The following EZH2 variants were observed in gnomAD, a reference collection of about 807,000 sequenced individuals.
EZH2 encodes the protein histone-lysine N-methyltransferase EZH2.
In EZH2, 18 loss-of-function variants were observed where a neutral mutation model predicts 98.4. The ratio of observed to expected loss-of-function variants is 0.18; its 90% CI spans 0.13 to 0.27. The LOEUF (loss-of-function observed/expected upper bound fraction) is 0.27, where lower values mean the gene tolerates loss of function less well. EZH2 is among the 10% of genes least tolerant of loss of function. The probability of loss-of-function intolerance (pLI) is 1.00; values close to 1 mark genes in which losing one functional copy is unlikely to be tolerated. For missense variants in EZH2, 470 were observed against 935.1 expected (o/e 0.50, Z 6.49); for synonymous variants, 338 against 312.3 (o/e 1.08, Z -0.87).
chr7:148,836,725 T>TG (rs777775240), intron 3 of EZH2: 12 of 391,500 alleles, frequency 3.1e-5, no homozygotes, highest in Non-Finnish European at 4.0e-5. Context: ...AAAAAGGGGA[T>TG]GGGGGGGACT....
In EZH2 at chr7:148,826,454, A is replaced by G; in HGVS notation, c.907T>C (p.Ser303Pro). 6.4e-7 allele frequency: 1 copy of G among 1,564,154 alleles called. No individual in the cohort carries two copies. Among genetic ancestry groups the G allele is most frequent in the Non-Finnish European group, 8.7e-7 (1 of 1,151,874 alleles). ...ACAAAGATAGAAAATGAAAACGTAC[A>G]ATAATTGCACTTACGATGTAGGAAG... ...DCFLHRKCNY[S>P]FHATPNTYKR... Residue 303 changes from serine (S) to proline (P), a missense_variant and splice_region_variant, in exon 8 of 20, where the codon TCT becomes CCT. Around this residue, in one of 6 missense-constraint regions of EZH2, gnomAD observed 192 missense variants for 306.8 expected, o/e 0.63. Transcript: ENST00000320356.
chr7:148,809,099 T>C lies in EZH2; in HGVS notation c.2167A>G (p.Thr723Ala). ...IGIFAKRAIQTGEELFFDYRY... is the reference protein window; with the variant it reads ...IGIFAKRAIQAGEELFFDYRY... The stretch of plus-strand genomic sequence containing the variant: ...TAATCAAAAAACAGCTCTTCGCCAG[T>C]CTGGATGGCTCTCTTGGCAAAAATA... The change falls in exon 19 of 20, where the codon ACT becomes GCT. Residue 723 changes from threonine to alanine, a missense_variant. Around this residue, in one of 6 missense-constraint regions of EZH2, gnomAD observed 106 missense variants for 327.2 expected, o/e 0.32. Coordinates refer to ENST00000320356, the MANE Select transcript of EZH2 (RefSeq NM_004456.5). 1 of 1,614,232 alleles carries C rather than the reference T, an allele frequency of 6.2e-7. No homozygotes were observed. Among genetic ancestry groups the C allele is most frequent in the Non-Finnish European group, 8.5e-7 (1 of 1,180,034 alleles).
intron 1 of EZH2, among the ~76,000 whole-genome samples, chr7:148,860,243 C>T (rs1021386149): frequency 6.7e-6 from 1 of 150,116 alleles, no homozygotes; most frequent in African/African-American, 2.5e-5. Context: ...GTTTGAAAAA[C>T]ACCACATGAG....
intron 1 of EZH2, among the ~76,000 whole-genome samples, chr7:148,866,693 T>C (rs963936299): frequency 1.7e-4 from 25 of 144,034 alleles, no homozygotes; most frequent in African/African-American, 6.2e-4. Flanking sequence ...TGCATATATA[T>C]ATACATATAT....
chr7:148,829,704 CAAGAG>C lies in EZH2; in HGVS notation c.484+19_484+23del. 1.9e-6 allele frequency: 3 copies of C among 1,597,422 alleles called. No homozygotes were observed. The South Asian group carries it at 3.5e-5, about 18-fold the overall frequency. On this transcript the variant is annotated intron_variant, in intron 5 of 19. Transcript: ENST00000320356. ...CTCTCAATTCTTTAGCCCCTTTTTC[CAAGAG>C]AAGAAGCATATGGCTCACCTCTATC...
chr7:148,840,806 G>A (rs989417956), intron 3 of EZH2, among the ~76,000 whole-genome samples: 4 of 152,120 alleles, frequency 2.6e-5, no homozygotes, highest in Non-Finnish European at 5.9e-5. Flanking sequence ...TATGGCAAAA[G>A]TCCTCGGTCT....
At chr7:148,882,341 A>T (rs998861597) in intron 1 of EZH2, among the ~76,000 whole-genome samples, 1 of 152,242 alleles carries the variant, frequency 6.6e-6, no homozygotes, top group Non-Finnish European at 1.5e-5. Flanking sequence ...CTTGGAATAT[A>T]TTCACTTTCC....
At chr7:148,835,085 G>A (rs1810521765) in intron 3 of EZH2, among the ~76,000 whole-genome samples, 1 of 152,158 alleles carries the variant, frequency 6.6e-6, no homozygotes, top group African/African-American at 2.4e-5. Context: ...AATGCTCATG[G>A]GGTAAAATAA....
In EZH2 at chr7:148,834,337, TTA is replaced by T. The variant is rs746918834; in HGVS notation, c.247-1589_247-1588del. ...GTAGTAAAATGAAACTGAAAAATCA[TTA>T]TATATATATATATACACACACACAC... On this transcript the variant is annotated intron_variant, in intron 3 of 19. Coordinates refer to ENST00000320356, the MANE Select transcript of EZH2 (RefSeq NM_004456.5). Among the ~76,000 whole-genome samples, 1,261 of 142,796 alleles carry T rather than the reference TTA, an allele frequency of 8.8e-3. 4 individuals carry two copies. Among genetic ancestry groups the T allele is most frequent in the Non-Finnish European group, 0.012 (823 of 66,806 alleles). The allele number at this position is 142,796 out of a possible 152,430, so 93.7% of individuals were successfully genotyped here. A position where few individuals can be genotyped will look rare whatever the true frequency, so the allele number is the denominator to read the frequency against.
chr7:148,868,705 T>A (rs1176362176), intron 1 of EZH2, among the ~76,000 whole-genome samples: 2 of 151,460 alleles, frequency 1.3e-5, no homozygotes, highest in Non-Finnish European at 2.9e-5. Flanking sequence ...AAAACATGAC[T>A]TTTTTTTTGG....
At chr7:148,851,372 A>G (rs1299498584) in intron 1 of EZH2, among the ~76,000 whole-genome samples, 1 of 152,130 alleles carries the variant, frequency 6.6e-6, no homozygotes, top group African/African-American at 2.4e-5. Context: ...CCTTATCCAT[A>G]AAACCTACCT....
intron 1 of EZH2, among the ~76,000 whole-genome samples, chr7:148,853,228 A>G (rs939252601): frequency 6.6e-6 from 1 of 152,182 alleles, no homozygotes; most frequent in Non-Finnish European, 1.5e-5. Flanking sequence ...TCTGGCCAAC[A>G]TGGTAAAACC....
chr7:148,843,593 T>G (rs917403635), intron 3 of EZH2, among the ~76,000 whole-genome samples: 3 of 106,902 alleles, frequency 2.8e-5, no homozygotes, highest in East Asian at 5.2e-4. Context: ...GTTTTTTTTT[T>G]TTTTTTTTTT....
chr7:148,835,817 G>A (rs1188143592), intron 3 of EZH2, among the ~76,000 whole-genome samples: 2 of 152,176 alleles, frequency 1.3e-5, no homozygotes, highest in African/African-American at 4.8e-5. Flanking sequence ...GTTAGAGAAT[G>A]AGTTTTCAAC....
intron 15 of EZH2, 118 bp from the exon 16 acceptor site, chr7:148,811,838 C>G (rs931737194): frequency 3.7e-6 from 3 of 818,024 alleles, no homozygotes; most frequent in South Asian, 3.3e-5. Context: ...CCTGTTTGTT[C>G]TAAGGCAGTA....
rs924758768 is a variant in EZH2 at position 148,810,896 on chromosome 7, CAAAAAAAAAA to C, written c.1948-492_1948-483del. Among the ~76,000 whole-genome samples, 352 of 43,672 alleles carry C rather than the reference CAAAAAAAAAA, an allele frequency of 8.1e-3. 2 individuals are homozygous for C. The highest frequency in any genetic ancestry group is 0.028 in the African/African-American group (331 of 11,656). 28.7% of individuals were successfully genotyped at this position (43,672 alleles called of 152,430 possible). A position where few individuals can be genotyped will look rare whatever the true frequency, so the allele number is the denominator to read the frequency against. On this transcript the variant is annotated intron_variant, in intron 16 of 19. Coordinates refer to ENST00000320356, the MANE Select transcript of EZH2 (RefSeq NM_004456.5). Reference sequence around the variant, plus strand: ...GGGCAACAAGAGCGAAACTCTGTCTCAAAAAAAAAAAAAAAAAAAAAAAAAATTTGGGTGA... The same window carrying C: ...GGGCAACAAGAGCGAAACTCTGTCTCAAAAAAAAAAAAAAAATTTGGGTGA...
At chr7:148,850,657 T>C (rs1815495825) in intron 1 of EZH2, among the ~76,000 whole-genome samples, 2 of 152,296 alleles carry the variant, frequency 1.3e-5, no homozygotes, top group African/African-American at 4.8e-5. Flanking sequence ...CCACTGTAAG[T>C]GCTTCAACAG....
Position 148,807,622 on chromosome 7 carries a change from G to T in EZH2, c.*24C>A. On this transcript the variant is annotated 3_prime_UTR_variant, in exon 20 of 20. Coordinates refer to ENST00000320356, the MANE Select transcript of EZH2 (RefSeq NM_004456.5). ...CTGAAGCTAAGGCAGCTGTTTCAGA[G>T]GAGGGGGGAGGAGGTAGCAGATGTC... The T allele has an allele frequency of 6.7e-7, 1 of 1,489,368 alleles. No homozygotes were observed. Among genetic ancestry groups the T allele is most frequent in the Non-Finnish European group, 8.9e-7 (1 of 1,126,908 alleles). 92.3% of individuals were successfully genotyped at this position (1,489,368 alleles called of 1,614,324 possible).
At chr7:148,844,894 C>T (rs17171127) in intron 3 of EZH2, among the ~76,000 whole-genome samples, 25,473 of 151,720 alleles carry the variant, frequency 0.17, 2,255 homozygotes, top group East Asian at 0.25. Flanking sequence ...TCTGGGCCCA[C>T]ATCAGATCAT....
Sources: gnomAD v4.1 joint callset for allele counts (sites outside exome capture counted in the v4.1 genomes callset) on GRCh38, gnomAD v4.1.1 for gene constraint, gnomAD v4.1.1 regional missense constraint, MANE v1.5 for transcripts, NCBI Gene and HGNC (gene_info 2026-07-23, HGNC 2026-07-21) for gene names.